The following ILDR2 variants were observed in gnomAD, a reference collection of about 807,000 sequenced individuals.
ILDR2 encodes immunoglobulin like domain containing receptor 2, also known as immunoglobulin-like domain-containing receptor 2.
Under a neutral mutation model 66.8 loss-of-function variants are expected in ILDR2, and 25 were observed. The observed-to-expected ratio is 0.37, with a 90% CI of 0.27 to 0.52. The LOEUF (loss-of-function observed/expected upper bound fraction) is 0.52. Ranked by LOEUF, ILDR2 falls within the 20% of genes least tolerant of loss-of-function variation. ILDR2 has a pLI of 0.88. For missense variants in ILDR2, 827 were observed against 876.8 expected, an observed-to-expected ratio of 0.94 and a Z score of 0.72; for synonymous variants, 367 against 357.2, an observed-to-expected ratio of 1.03 and a Z score of -0.31.
At chr1:166,961,844 A>G (rs983058726) in intron 1 of ILDR2, among the ~76,000 whole-genome samples, 1 of 152,208 alleles carries the variant, frequency 6.6e-6, no homozygotes, top group South Asian at 2.1e-4. Flanking sequence ...GCTAGAATAC[A>G]TCATTAGGAG....
At chr1:166,974,368 G>A (rs1663472856) in intron 1 of ILDR2, among the ~76,000 whole-genome samples, 2 of 152,138 alleles carry the variant, frequency 1.3e-5, no homozygotes, top group African/African-American at 4.8e-5. Context: ...TATCCCTATG[G>A]GAATCGGAAT....
chr1:166,902,953 T>A (rs1244252621), intron 2 of ILDR2, among the ~76,000 whole-genome samples: 1 of 152,194 alleles, frequency 6.6e-6, no homozygotes, highest in Non-Finnish European at 1.5e-5. Flanking sequence ...ACAAGCCTAT[T>A]TTCTCTACCT....
At chr1:166,952,962 T>A (rs1302141810) in intron 3 of ILDR2, among the ~76,000 whole-genome samples, 1 of 152,188 alleles carries the variant, frequency 6.6e-6, no homozygotes, top group Admixed American at 6.6e-5. Context: ...TACAAGATTA[T>A]TACAGAACAA....
At chr1:166,920,560 A>C (rs1659851937) in intron 9 of ILDR2, 147 bp downstream of exon 9, 4 of 878,400 alleles carry the variant, frequency 4.6e-6, no homozygotes, top group Non-Finnish European at 6.2e-6. Flanking sequence ...TCCGCGGACG[A>C]ACTCGCCCAG....
rs1401904798 is a variant in ILDR2, at chr1:166,917,916, C to T, written c.*1439G>A. On this transcript the variant is annotated 3_prime_UTR_variant, in exon 10 of 10. Coordinates refer to ENST00000271417, the MANE Select transcript of ILDR2 (RefSeq NM_199351.3). ...TTCACCTGATGGTAGTTGCAAGGTTCCCAAGAGCAGCAAAAGAGGACAAGC... is the reference window on the plus strand; with the variant it reads ...TTCACCTGATGGTAGTTGCAAGGTTTCCAAGAGCAGCAAAAGAGGACAAGC... The T allele has an allele frequency of 6.6e-6, 1 of 152,132 alleles. No individual in the cohort carries two copies. Among genetic ancestry groups the T allele is most frequent in the Non-Finnish European group, 1.5e-5 (1 of 68,042 alleles). 9.4% of individuals were successfully genotyped at this position (152,132 alleles called of 1,614,324 possible). A position where few individuals can be genotyped will look rare whatever the true frequency, so the allele number is the denominator to read the frequency against.
At position 166,913,232 on chromosome 1, in the gene ILDR2, A is replaced by C. The variant is rs1321791835; in HGVS notation, c.*6123T>G. 6.6e-6 allele frequency: 1 copy of C among 152,208 alleles called. No individual in the cohort carries two copies. The highest frequency in any genetic ancestry group is 2.4e-5 in the African/African-American group (1 of 41,454). 9.4% of individuals were successfully genotyped at this position (152,208 alleles called of 1,614,324 possible). On this transcript the variant is annotated 3_prime_UTR_variant, in exon 10 of 10. Coordinates refer to ENST00000271417, the MANE Select transcript of ILDR2 (RefSeq NM_199351.3). ...AGGTAAGAATTCTTTATTACGTTTAAAACATTACAACCAAATTCAATTTGT... is the reference window on the plus strand; with the variant it reads ...AGGTAAGAATTCTTTATTACGTTTACAACATTACAACCAAATTCAATTTGT...
At chr1:166,903,994 T>C (rs1437074533), downstream of ILDR2, among the ~76,000 whole-genome samples, 1 of 152,230 alleles carries the variant, frequency 6.6e-6, no homozygotes, top group African/African-American at 2.4e-5. Context: ...CTGATCCTTT[T>C]ATGAAATCAT....
chr1:166,901,397 T>C (rs924384646), intron 2 of ILDR2, among the ~76,000 whole-genome samples: 4 of 152,216 alleles, frequency 2.6e-5, no homozygotes, highest in African/African-American at 9.6e-5. Flanking sequence ...GAACAGCTTT[T>C]GAACAAGTTC....
intron 2 of ILDR2, among the ~76,000 whole-genome samples, chr1:166,896,524 G>A (rs1659169263): frequency 7.1e-6 from 1 of 141,392 alleles, no homozygotes; most frequent in Non-Finnish European, 1.5e-5. Context: ...TTCTGTTCAT[G>A]TAAAGTCAAA....
intron 1 of ILDR2, among the ~76,000 whole-genome samples, chr1:166,963,700 T>C (rs1417777745): frequency 2.0e-5 from 3 of 152,198 alleles, no homozygotes; most frequent in Non-Finnish European, 4.4e-5. Context: ...TAAAACTTTC[T>C]CCTTGACATG....
intron 3 of ILDR2, among the ~76,000 whole-genome samples, chr1:166,955,492 C>A (rs1048581346): frequency 6.6e-6 from 1 of 152,066 alleles, no homozygotes; most frequent in Non-Finnish European, 1.5e-5. Flanking sequence ...CGCCTGTAGT[C>A]CCAGCTACTT....
chr1:166,919,678 T>C (rs1557928316), intron 9 of ILDR2, among the ~76,000 whole-genome samples: 1 of 152,382 alleles, frequency 6.6e-6, no homozygotes, highest in Non-Finnish European at 1.5e-5. Flanking sequence ...TGGTATTCCA[T>C]AAACCTGAAA....
chr1:166,954,840 C>G (rs751006692), intron 3 of ILDR2, among the ~76,000 whole-genome samples: 1 of 152,220 alleles, frequency 6.6e-6, no homozygotes, highest in Non-Finnish European at 1.5e-5. Flanking sequence ...TACTTCAACA[C>G]ATCCTCAGAT....
chr1:166,899,330 T>C (rs1571254317), intron 2 of ILDR2, among the ~76,000 whole-genome samples: 1 of 150,552 alleles, frequency 6.6e-6, no homozygotes. Flanking sequence ...GAGGCAGAGG[T>C]TGCAATGAGC....
intron 2 of ILDR2, among the ~76,000 whole-genome samples, chr1:166,900,554 C>G (rs1014795062): frequency 2.0e-5 from 3 of 152,196 alleles, no homozygotes; most frequent in Admixed American, 6.5e-5. Context: ...TTCTATGAAG[C>G]AGATAGGGTT....
intron 1 of ILDR2, among the ~76,000 whole-genome samples, chr1:166,962,405 T>C (rs568140103): frequency 9.8e-5 from 15 of 152,336 alleles, no homozygotes; most frequent in Admixed American, 9.1e-4. Context: ...GGCCTGCTTG[T>C]CTGGGGCCCT....
intron 3 of ILDR2, among the ~76,000 whole-genome samples, chr1:166,955,529 A>G (rs1662225644): frequency 6.6e-6 from 1 of 152,154 alleles, no homozygotes; most frequent in Non-Finnish European, 1.5e-5. Context: ...CTTGAACCTG[A>G]GAGGCAGAGG....
chr1:166,945,587 C>T (rs1306810023), intron 3 of ILDR2, among the ~76,000 whole-genome samples: 7 of 152,222 alleles, frequency 4.6e-5, no homozygotes, highest in Admixed American at 2.0e-4. Context: ...TTGGTCTCTA[C>T]TCTTAAAACT....
chr1:166,943,693 T>A (rs965701799), intron 3 of ILDR2: 1 of 315,180 alleles, frequency 3.2e-6, no homozygotes, highest in African/African-American at 2.2e-5. Context: ...TCTTTTCTTC[T>A]ATCATATCCA....
Sources: gnomAD v4.1 joint callset for allele counts (sites outside exome capture counted in the v4.1 genomes callset) on GRCh38, gnomAD v4.1.1 for gene constraint, MANE v1.5 for transcripts, NCBI Gene and HGNC (gene_info 2026-07-23, HGNC 2026-07-21) for gene names.